Variants in LASP1 observed in about 807,000 individuals in gnomAD.
LASP1 encodes LIM and SH3 domain protein 1.
A neutral mutation model predicts 38.6 loss-of-function variants in LASP1; 10 were observed. That is an observed-to-expected ratio of 0.26 (90% confidence interval 0.16 to 0.44). The LOEUF (loss-of-function observed/expected upper bound fraction) is 0.44. Among genes scored for constraint, LASP1 ranks in the 20% least tolerant of loss-of-function variants. The pLI, the probability that LASP1 is intolerant of heterozygous loss-of-function variation, is 1.00. For synonymous variants in LASP1, 132 were observed against 140.8 expected, an observed-to-expected ratio of 0.94 and a Z score of 0.44; for missense variants, 243 against 375.7, an observed-to-expected ratio of 0.65 and a Z score of 2.92.
intron 1 of LASP1, among the ~76,000 whole-genome samples, chr17:38,874,955 G>T (rs1047193780): frequency 6.6e-6 from 1 of 152,140 alleles, no homozygotes; most frequent in Non-Finnish European, 1.5e-5. Flanking sequence ...CCGGGTGCAG[G>T]CCTGGCCATC....
chr17:38,917,423 T>A (rs16968529), intron 6 of LASP1, among the ~76,000 whole-genome samples: 19,274 of 152,128 alleles, frequency 0.13, 1,783 homozygotes, highest in Admixed American at 0.32. Flanking sequence ...TTTCTTTTTT[T>A]AAACTCCATC....
At chr17:38,896,924 CT>C in intron 3 of LASP1, 1 of 985,388 alleles carries the variant, frequency 1.0e-6, no homozygotes, top group Non-Finnish European at 1.2e-6. Context: ...AGGCCAGGGG[CT>C]TGAGATGCAG....
At chr17:38,875,648 C>T (rs1913748283) in intron 1 of LASP1, among the ~76,000 whole-genome samples, 1 of 152,118 alleles carries the variant, frequency 6.6e-6, no homozygotes, top group South Asian at 2.1e-4. Flanking sequence ...GATAGGGAAC[C>T]AGTACCCTAT....
At chr17:38,900,733 G>A (rs962823757) in intron 4 of LASP1, among the ~76,000 whole-genome samples, 1 of 152,198 alleles carries the variant, frequency 6.6e-6, no homozygotes, top group Non-Finnish European at 1.5e-5. Context: ...CAACTGGACT[G>A]TTGACCTGCA....
chr17:38,915,040 C>T lies in LASP1; in HGVS notation c.509-3C>T. The T allele has an allele frequency of 6.2e-7, 1 of 1,613,792 alleles. No homozygotes were observed. ...CCAAGCCCTGTCTCCTCCCATCTTC[C>T]AGTTTACCAGCAGCCCCAGCAGCAG... On this transcript the variant is annotated splice_region_variant and splice_polypyrimidine_tract_variant and intron_variant, in intron 5 of 6. Coordinates refer to ENST00000318008, the MANE Select transcript of LASP1 (RefSeq NM_006148.4).
chr17:38,892,590 A>ACC (rs59722980), intron 3 of LASP1, among the ~76,000 whole-genome samples: 37 of 140,462 alleles, frequency 2.6e-4, no homozygotes, highest in African/African-American at 6.2e-4. Flanking sequence ...ACACACACAC[A>ACC]CCCTTCTCAG....
intron 1 of LASP1, among the ~76,000 whole-genome samples, chr17:38,877,726 A>G (rs1313380622): frequency 1.3e-5 from 2 of 152,178 alleles, no homozygotes. Context: ...GCAGCTTTGC[A>G]TAAGCAATGA....
intron 4 of LASP1, chr17:38,904,684 A>G (rs929177917): frequency 3.3e-5 from 5 of 152,182 alleles, no homozygotes; most frequent in African/African-American, 1.2e-4. Flanking sequence ...CACATTGGCT[A>G]TTGTCCTACA....
At chr17:38,870,377 G>T (rs1217240038) in intron 1 of LASP1, 119 bp downstream of exon 1, 10 of 1,141,736 alleles carry the variant, frequency 8.8e-6, no homozygotes, top group Non-Finnish European at 1.3e-5. Flanking sequence ...AATGGAGGGA[G>T]GGCGAGCGGG....
intron 4 of LASP1, among the ~76,000 whole-genome samples, chr17:38,909,269 C>A (rs1914861167): frequency 6.6e-6 from 1 of 152,166 alleles, no homozygotes; most frequent in African/African-American, 2.4e-5. Context: ...TGAACCCTCA[C>A]ACCTTTCTAT....
At chr17:38,901,701 T>G (rs1388611492) in intron 4 of LASP1, among the ~76,000 whole-genome samples, 1 of 152,172 alleles carries the variant, frequency 6.6e-6, no homozygotes, top group African/African-American at 2.4e-5. Context: ...TGAAAAAGCT[T>G]CACCAACCCC....
chr17:38,898,568 C>T, intron 4 of LASP1, 49 bp downstream of exon 4: 2 of 1,358,296 alleles, frequency 1.5e-6, no homozygotes, highest in Non-Finnish European at 2.1e-6. Context: ...TCTGTTTGGT[C>T]CCCTTCCTGC....
At chr17:38,907,998 A>C (rs548627730) in intron 4 of LASP1, among the ~76,000 whole-genome samples, 50 of 152,346 alleles carry the variant, frequency 3.3e-4, no homozygotes, top group African/African-American at 1.2e-3. Context: ...AGGATGAGGC[A>C]TTGGTCTGGT....
intron 1 of LASP1, among the ~76,000 whole-genome samples, chr17:38,872,398 G>A (rs778538584): frequency 6.6e-6 from 1 of 152,204 alleles, no homozygotes; most frequent in African/African-American, 2.4e-5. Context: ...GGAAGAGGAC[G>A]TTCAAGTGGG....
Position 38,919,445 on chromosome 17 carries a change from G to A in LASP1, c.*667G>A, listed in dbSNP as rs570141579. ...CCTCCTGCCCACGCAGACCTGCAGC[G>A]GGCAAAGAGCTCCCGAGGAAGCACA... On this transcript the variant is annotated 3_prime_UTR_variant, in exon 7 of 7. Coordinates refer to ENST00000318008, the MANE Select transcript of LASP1 (RefSeq NM_006148.4). 2.1e-5 allele frequency: 5 copies of A among 241,498 alleles called. No homozygotes were observed. The highest frequency in any genetic ancestry group is 6.6e-5 in the African/African-American group (3 of 45,576). The allele number at this position is 241,498 out of a possible 1,614,324, so 15.0% of individuals were successfully genotyped here.
intron 1 of LASP1, among the ~76,000 whole-genome samples, chr17:38,877,117 T>G (rs558238085): frequency 6.6e-6 from 1 of 152,264 alleles, no homozygotes; most frequent in Admixed American, 6.5e-5. Flanking sequence ...TCGGCTAAGG[T>G]TCACACCTGC....
intron 6 of LASP1, among the ~76,000 whole-genome samples, chr17:38,917,014 A>G (rs1309986449): frequency 6.6e-6 from 1 of 152,146 alleles, no homozygotes; most frequent in East Asian, 1.9e-4. Context: ...CGAATTGACT[A>G]GAGTGGGAGA....
intron 2 of LASP1, among the ~76,000 whole-genome samples, chr17:38,880,431 T>C (rs1388782738): frequency 6.6e-6 from 1 of 152,252 alleles, no homozygotes; most frequent in African/African-American, 2.4e-5. Flanking sequence ...GTTTCTTCTC[T>C]GGGTGATGCT....
intron 4 of LASP1, among the ~76,000 whole-genome samples, chr17:38,900,742 C>T (rs1440945691): frequency 6.6e-6 from 1 of 152,196 alleles, no homozygotes; most frequent in East Asian, 1.9e-4. Flanking sequence ...TGTTGACCTG[C>T]AGTTTGAAGT....
Sources: allele counts gnomAD v4.1 joint callset (sites outside exome capture counted in the v4.1 genomes callset), GRCh38; gene constraint gnomAD v4.1.1; transcripts MANE v1.5; gene names NCBI Gene and HGNC (gene_info 2026-07-23, HGNC 2026-07-21).